Variants in ANO3 observed in about 807,000 individuals in gnomAD.
The protein encoded by ANO3 is anoctamin-3.
In ANO3, 99 loss-of-function variants were observed where a neutral mutation model predicts 144.8. The ratio of observed to expected loss-of-function variants is 0.68; its 90% CI spans 0.58 to 0.81. The LOEUF is 0.81. Ranked by LOEUF, ANO3 falls within the 30% of genes least tolerant of loss-of-function variation. The pLI is 0.00. For missense variants in ANO3, 905 were observed against 1,202.2 expected, an observed-to-expected ratio of 0.75 and a Z score of 3.66; for synonymous variants, 414 against 392.6, an observed-to-expected ratio of 1.05 and a Z score of -0.64.
At chr11:26,329,325 C>G (rs865995982), upstream of ANO3, among the ~76,000 whole-genome samples, 10 of 106,586 alleles carry the variant, frequency 9.4e-5, no homozygotes, top group Admixed American at 1.0e-4. Context: ...CACACACACA[C>G]ACAGAGAGAG....
At chr11:26,323,305 T>C (rs950179756) in intron 1 of ANO3, among the ~76,000 whole-genome samples, 2 of 152,172 alleles carry the variant, frequency 1.3e-5, no homozygotes, top group African/African-American at 4.8e-5. Context: ...GAGTACATTT[T>C]TAAAAACTAT....
At chr11:26,236,618 A>C (rs922504952) in intron 1 of ANO3, among the ~76,000 whole-genome samples, 3 of 152,090 alleles carry the variant, frequency 2.0e-5, no homozygotes, top group Non-Finnish European at 4.4e-5. Flanking sequence ...GGAGACCAAG[A>C]CCATCCTGGC....
chr11:26,617,321 A>G (rs1476768788), intron 17 of ANO3, among the ~76,000 whole-genome samples: 1 of 152,202 alleles, frequency 6.6e-6, no homozygotes, highest in Non-Finnish European at 1.5e-5. Context: ...TCTTAAGTTT[A>G]TGTGTTTAAT....
chr11:26,246,595 TA>T (rs1376120334), intron 1 of ANO3, among the ~76,000 whole-genome samples: 1 of 149,732 alleles, frequency 6.7e-6, no homozygotes, highest in Non-Finnish European at 1.5e-5. Flanking sequence ...TAATTTACCT[TA>T]TTTTTAAGAG....
chr11:26,610,087 T>C (rs1351226336), intron 17 of ANO3, among the ~76,000 whole-genome samples: 2 of 152,140 alleles, frequency 1.3e-5, no homozygotes, highest in African/African-American at 4.8e-5. Flanking sequence ...AATTTTGTAT[T>C]TTTAGTAGAG....
chr11:26,565,447 G>C (rs1850532155), intron 14 of ANO3: 1 of 1,613,410 alleles, frequency 6.2e-7, no homozygotes, highest in South Asian at 1.1e-5. Flanking sequence ...GTAGCATTGG[G>C]ATGTGCTGAG....
chr11:26,500,152 A>T (rs960546601), intron 4 of ANO3, among the ~76,000 whole-genome samples: 2 of 152,006 alleles, frequency 1.3e-5, no homozygotes, highest in African/African-American at 4.8e-5. Flanking sequence ...ATTTCTTTCT[A>T]TTGCCAAATA....
chr11:26,267,375 C>G (rs1853339395), intron 1 of ANO3, among the ~76,000 whole-genome samples: 1 of 152,134 alleles, frequency 6.6e-6, no homozygotes, highest in Non-Finnish European at 1.5e-5. Context: ...AATTTCATCA[C>G]TAATAATTTA....
intron 17 of ANO3, among the ~76,000 whole-genome samples, chr11:26,615,801 A>T (rs1590634966): frequency 6.6e-6 from 1 of 152,284 alleles, no homozygotes; most frequent in African/African-American, 2.4e-5. Context: ...ATTTCAAGGT[A>T]TGAAAACAAT....
chr11:26,548,850 G>A (rs565289323), intron 12 of ANO3, among the ~76,000 whole-genome samples: 8 of 151,678 alleles, frequency 5.3e-5, no homozygotes, highest in Admixed American at 3.3e-4. Context: ...TCGGCCCACC[G>A]GAAACATCCA....
At chr11:26,598,710 G>A (rs1851709529) in intron 15 of ANO3, 148 bp from the exon 16 acceptor site, 2 of 746,620 alleles carry the variant, frequency 2.7e-6, no homozygotes, top group Non-Finnish European at 4.2e-6. Flanking sequence ...TATTTGGAAG[G>A]TAATTTGATG....
rs532969906 is a variant in ANO3, at chr11:26,576,132, G to A, written c.1447+16353G>A. Reference sequence around the variant, plus strand: ...ATAATCACCAAGGAAGCAGTGTGCTGAGTAGAACAAGCTCAGGCTACCACG... The same window carrying A: ...ATAATCACCAAGGAAGCAGTGTGCTAAGTAGAACAAGCTCAGGCTACCACG... On this transcript the variant is annotated intron_variant, in intron 14 of 26. Coordinates refer to ENST00000256737, the MANE Select transcript of ANO3 (RefSeq NM_031418.4). 1.5e-4 allele frequency among the ~76,000 whole-genome samples: 23 copies of A among 152,292 alleles called. No homozygotes were observed. In the South Asian group the frequency reaches 3.7e-3, roughly 25 times the overall value.
intron 1 of ANO3, among the ~76,000 whole-genome samples, chr11:26,437,056 G>C (rs1200477535): frequency 6.6e-6 from 1 of 152,202 alleles, no homozygotes; most frequent in Admixed American, 6.5e-5. Context: ...CTCCGTCTCA[G>C]GGAGGTGTAA....
chr11:26,368,769 T>C (rs1198919163), intron 1 of ANO3, among the ~76,000 whole-genome samples: 2 of 152,154 alleles, frequency 1.3e-5, no homozygotes, highest in Non-Finnish European at 2.9e-5. Context: ...TCGCTAAAAG[T>C]TGTAATTTCT....
chr11:26,507,923 C>T (rs1861501120), intron 4 of ANO3, among the ~76,000 whole-genome samples, 181 bp from the exon 5 acceptor site: 1 of 152,176 alleles, frequency 6.6e-6, no homozygotes, highest in South Asian at 2.1e-4. Flanking sequence ...ACATCACTCG[C>T]TAATGTGGCT....
intron 1 of ANO3, among the ~76,000 whole-genome samples, chr11:26,345,132 T>C (rs1206386735): frequency 6.6e-6 from 1 of 152,164 alleles, no homozygotes; most frequent in Non-Finnish European, 1.5e-5. Flanking sequence ...TGTAAAAAAG[T>C]AAAGTGGGGT....
chr11:26,382,965 A>G (rs1856627086), intron 1 of ANO3, among the ~76,000 whole-genome samples: 1 of 152,170 alleles, frequency 6.6e-6, no homozygotes, highest in Non-Finnish European at 1.5e-5. Flanking sequence ...TGAGTGGAAT[A>G]TACTTGACTT....
chr11:26,205,427 T>G (rs1851778439), intron 1 of ANO3, among the ~76,000 whole-genome samples: 1 of 152,208 alleles, frequency 6.6e-6, no homozygotes, highest in Admixed American at 6.5e-5. Flanking sequence ...AATTCAACTA[T>G]AAACCTGAGT....
chr11:26,320,915 T>A (rs983349349), intron 1 of ANO3, among the ~76,000 whole-genome samples: 1 of 152,126 alleles, frequency 6.6e-6, no homozygotes, highest in African/African-American at 2.4e-5. Context: ...AAACAATGCA[T>A]CTGTTTATAT....
Sources: allele counts gnomAD v4.1 joint callset (sites outside exome capture counted in the v4.1 genomes callset), GRCh38; gene constraint gnomAD v4.1.1; transcripts MANE v1.5; gene names NCBI Gene and HGNC (gene_info 2026-07-23, HGNC 2026-07-21).